Variants in HMCN1 observed in about 807,000 individuals in gnomAD.
HMCN1 encodes hemicentin-1.
In HMCN1, 321 loss-of-function variants were observed where a neutral mutation model predicts 625.9. That is an observed-to-expected ratio of 0.51 (90% CI 0.47 to 0.56). The LOEUF is 0.56. Ranked by LOEUF, HMCN1 falls within the 20% of genes least tolerant of loss-of-function variation. The pLI is 0.00. For missense variants in HMCN1, 6,588 were observed against 6,887.3 expected (o/e 0.96, Z 1.54); for synonymous variants, 2,425 against 2,417.6 (o/e 1.00, Z -0.09).
At chr1:186,162,404 C>A (rs528474826) in intron 97 of HMCN1, among the ~76,000 whole-genome samples, 2 of 152,302 alleles carry the variant, frequency 1.3e-5, no homozygotes, top group East Asian at 3.9e-4. Context: ...CTGAAGCCTT[C>A]TTCTCTCAAC....
chr1:186,066,771 G>A (rs867655924), intron 49 of HMCN1, among the ~76,000 whole-genome samples: 2 of 151,866 alleles, frequency 1.3e-5, no homozygotes, highest in Non-Finnish European at 2.9e-5. Flanking sequence ...CCCTTTCTCT[G>A]CCCTTTATGG....
intron 60 of HMCN1, 142 bp from the exon 61 acceptor site, chr1:186,087,790 T>TA: frequency 8.7e-7 from 1 of 1,151,384 alleles, no homozygotes; most frequent in Non-Finnish European, 1.3e-6. Flanking sequence ...ACTATTTTTA[T>TA]AAAAAATAGC....
At chr1:186,005,150 T>TC (rs1653481836) in intron 29 of HMCN1, among the ~76,000 whole-genome samples, 2 of 150,282 alleles carry the variant, frequency 1.3e-5, no homozygotes, top group African/African-American at 4.9e-5. Flanking sequence ...TTTATAAATG[T>TC]TTATAAACAA....
intron 10 of HMCN1, among the ~76,000 whole-genome samples, chr1:185,930,782 A>G (rs1667504841): frequency 6.6e-6 from 1 of 152,160 alleles, no homozygotes; most frequent in Non-Finnish European, 1.5e-5. Context: ...ATAGAATCTA[A>G]TGAATAAAAC....
chr1:185,866,617 G>A (rs968227004), intron 4 of HMCN1, among the ~76,000 whole-genome samples: 5 of 151,342 alleles, frequency 3.3e-5, no homozygotes, highest in African/African-American at 9.7e-5. Flanking sequence ...CATGTTAGCC[G>A]GGATGATCTC....
intron 1 of HMCN1, among the ~76,000 whole-genome samples, chr1:185,836,093 C>A (rs2102299180): frequency 6.6e-6 from 1 of 152,248 alleles, no homozygotes; most frequent in East Asian, 1.9e-4. Context: ...ACAACATTAA[C>A]AGATAATGTC....
chr1:186,055,184 G>T (rs1657228650), intron 44 of HMCN1, among the ~76,000 whole-genome samples: 1 of 152,020 alleles, frequency 6.6e-6, no homozygotes, highest in South Asian at 2.1e-4. Context: ...TGTGTCAATA[G>T]CTTCATTTTA....
At chr1:186,048,137 A>G (rs1656693916) in intron 41 of HMCN1, among the ~76,000 whole-genome samples, 1 of 152,128 alleles carries the variant, frequency 6.6e-6, no homozygotes, top group African/African-American at 2.4e-5. Context: ...ATCTCTTTAT[A>G]TCTCCTACCT....
intron 104 of HMCN1, 107 bp downstream of exon 104, chr1:186,178,873 A>C: frequency 4.8e-6 from 4 of 835,652 alleles, no homozygotes; most frequent in Non-Finnish European, 6.2e-6. Flanking sequence ...ATCTGATCTC[A>C]AGTTCGGAAT....
intron 97 of HMCN1, among the ~76,000 whole-genome samples, chr1:186,163,430 G>C (rs986568626): frequency 6.6e-6 from 1 of 152,148 alleles, no homozygotes. Context: ...TGCACCCACT[G>C]TCTGGCACTC....
chr1:186,026,368 AC>A (rs1361426265), intron 36 of HMCN1, among the ~76,000 whole-genome samples: 4 of 152,222 alleles, frequency 2.6e-5, no homozygotes, highest in Non-Finnish European at 4.4e-5. Flanking sequence ...TGTTCCAATT[AC>A]TGTAGGTATG....
At chr1:185,961,185 C>T (rs1015472652) in intron 11 of HMCN1, among the ~76,000 whole-genome samples, 1 of 152,306 alleles carries the variant, frequency 6.6e-6, no homozygotes, top group East Asian at 1.9e-4. Flanking sequence ...TAGCTTCCTT[C>T]AGTTGTGTAG....
chr1:185,919,031 G>A (rs1211695290), intron 6 of HMCN1, among the ~76,000 whole-genome samples: 1 of 150,966 alleles, frequency 6.6e-6, no homozygotes, highest in South Asian at 2.1e-4. Context: ...AGACCAAATA[G>A]AAAGACATTA....
intron 56 of HMCN1, among the ~76,000 whole-genome samples, chr1:186,082,076 A>G (rs2102382721): frequency 6.6e-6 from 1 of 152,330 alleles, no homozygotes; most frequent in African/African-American, 2.4e-5. Flanking sequence ...TTTTCAAAGT[A>G]TCTTCTAAAT....
At chr1:185,837,644 T>C (rs1270573153) in intron 1 of HMCN1, among the ~76,000 whole-genome samples, 1 of 152,202 alleles carries the variant, frequency 6.6e-6, no homozygotes, top group Non-Finnish European at 1.5e-5. Context: ...TATATTCTTT[T>C]ATATAAACAT....
chr1:186,029,728 T>A (rs939666309), intron 36 of HMCN1, among the ~76,000 whole-genome samples: 3 of 151,882 alleles, frequency 2.0e-5, no homozygotes, highest in African/African-American at 7.2e-5. Context: ...CTATTTAATT[T>A]GTATATACTC....
At chr1:185,773,760 TAAGTA>T (rs1401767036) in intron 1 of HMCN1, among the ~76,000 whole-genome samples, 1 of 152,128 alleles carries the variant, frequency 6.6e-6, no homozygotes, top group Non-Finnish European at 1.5e-5. Flanking sequence ...ATGATGGTGT[TAAGTA>T]AAGTATTGAA....
Position 186,083,404 on chromosome 1 carries a change from G to A in HMCN1, c.8884+443G>A, listed in dbSNP as rs535913538. Among the ~76,000 whole-genome samples the A allele has an allele frequency of 2.0e-5, 3 of 149,034 alleles. No homozygotes were observed. In the East Asian group the frequency reaches 6.0e-4, roughly 30 times the overall value. ...CTGGAGAAGAAAAAGTCACTTTGTGGAGTTAAATAATTCCTTTAAAACCAC... is the reference window on the plus strand; with the variant it reads ...CTGGAGAAGAAAAAGTCACTTTGTGAAGTTAAATAATTCCTTTAAAACCAC... On this transcript the variant is annotated intron_variant, in intron 57 of 106. Coordinates refer to ENST00000271588, the MANE Select transcript of HMCN1 (RefSeq NM_031935.3).
intron 1 of HMCN1, among the ~76,000 whole-genome samples, chr1:185,821,757 A>C (rs1323216404): frequency 3.3e-5 from 5 of 151,162 alleles, no homozygotes. Flanking sequence ...ACTTGAAAAA[A>C]GGCTCAGTAA....
Sources: allele counts gnomAD v4.1 joint callset (sites outside exome capture counted in the v4.1 genomes callset), GRCh38; gene constraint gnomAD v4.1.1; transcripts MANE v1.5; gene names NCBI Gene and HGNC (gene_info 2026-07-23, HGNC 2026-07-21).